The following GPC5 variants were observed in gnomAD, a reference collection of about 807,000 sequenced individuals.
GPC5 encodes the protein glypican 5.
A neutral mutation model predicts 53.9 loss-of-function variants in GPC5; 47 were observed. That is an observed-to-expected ratio of 0.87 (90% CI 0.69 to 1.11). The LOEUF is 1.11. Ranked by LOEUF, GPC5 falls within the 50% of genes most tolerant of loss-of-function variation. The probability of loss-of-function intolerance (pLI) is 0.00; values close to 1 mark genes in which losing one functional copy is unlikely to be tolerated. For synonymous variants in GPC5, 286 were observed against 263.3 expected, an observed-to-expected ratio of 1.09 and a Z score of -0.84; for missense variants, 748 against 713.1, an observed-to-expected ratio of 1.05 and a Z score of -0.56.
intron 7 of GPC5, among the ~76,000 whole-genome samples, chr13:92,270,111 A>G (rs1035712818): frequency 6.6e-6 from 1 of 152,134 alleles, no homozygotes; most frequent in East Asian, 1.9e-4. Flanking sequence ...TATTACAGAA[A>G]TAGGAACATA....
intron 6 of GPC5, among the ~76,000 whole-genome samples, chr13:92,000,591 T>C (rs985064733): frequency 6.6e-6 from 1 of 152,156 alleles, no homozygotes; most frequent in Non-Finnish European, 1.5e-5. Flanking sequence ...ATTTTCCCAA[T>C]AGAATGTTCA....
At chr13:92,553,491 A>G (rs1194901290) in intron 7 of GPC5, among the ~76,000 whole-genome samples, 1 of 151,994 alleles carries the variant, frequency 6.6e-6, no homozygotes, top group Admixed American at 6.6e-5. Flanking sequence ...ACAAATCTAT[A>G]CAAAATGTAA....
At chr13:92,354,433 A>G (rs2043505526) in intron 7 of GPC5, among the ~76,000 whole-genome samples, 1 of 152,196 alleles carries the variant, frequency 6.6e-6, no homozygotes, top group African/African-American at 2.4e-5. Flanking sequence ...GATAATTTTG[A>G]CTAATCAACA....
At chr13:91,986,788 T>G (rs1364686180) in intron 6 of GPC5, among the ~76,000 whole-genome samples, 3 of 152,212 alleles carry the variant, frequency 2.0e-5, no homozygotes, top group African/African-American at 7.2e-5. Flanking sequence ...AAACATAGAG[T>G]AATCAATTGA....
intron 6 of GPC5, among the ~76,000 whole-genome samples, chr13:91,988,297 C>T (rs1490737882): frequency 6.6e-6 from 1 of 151,940 alleles, no homozygotes; most frequent in Non-Finnish European, 1.5e-5. Context: ...TATGAGAAAG[C>T]CAGAAAGTCA....
At chr13:92,218,307 T>C (rs1447034806) in intron 7 of GPC5, among the ~76,000 whole-genome samples, 1 of 152,162 alleles carries the variant, frequency 6.6e-6, no homozygotes, top group Admixed American at 6.5e-5. Flanking sequence ...ATGAACTTAG[T>C]GGAAGTAGAA....
chr13:91,806,249 T>C lies in GPC5; in HGVS notation c.1280+49829T>C, dbSNP rs144986081. On this transcript the variant is annotated intron_variant, in intron 5 of 7. Transcript: ENST00000377067. ...GTGGGTTTCACTGTATTGCCCAGGC[T>C]GGTCTTGTACTCGTGAGCTAGACAA... 2.3e-3 allele frequency among the ~76,000 whole-genome samples: 350 copies of C among 151,958 alleles called. 1 individual carries two copies. The highest frequency in any genetic ancestry group is 8.2e-3 in the African/African-American group (340 of 41,450).
Position 92,225,253 on chromosome 13 carries a change from A to G in GPC5, c.1561+80264A>G, listed in dbSNP as rs145750218. On this transcript the variant is annotated intron_variant, in intron 7 of 7. Transcript: ENST00000377067. ...AATTTATGGCATTAATCGACCTTAT[A>G]TTATAGTTGTGTATGCACATCACCT... Among the ~76,000 whole-genome samples, 626 of 152,316 alleles carry G rather than the reference A, an allele frequency of 4.1e-3. 8 individuals carry two copies. Among genetic ancestry groups the G allele is most frequent in the African/African-American group, 0.015 (606 of 41,568 alleles).
Position 92,166,551 on chromosome 13 carries a change from G to GCAA in GPC5, c.1561+21562_1561+21563insCAA, listed in dbSNP as rs1566465402. Among the ~76,000 whole-genome samples the GCAA allele has an allele frequency of 1.6e-3, 244 of 152,152 alleles. 1 individual carries two copies. Among genetic ancestry groups the GCAA allele is most frequent in the African/African-American group, 5.4e-3 (225 of 41,498 alleles). ...GGAGAAACTTCCATTGTCAAAGGTA[G>GCAA]TTTCATTAGCCCTAATCTGCTGAAT... On this transcript the variant is annotated intron_variant, in intron 7 of 7. Transcript: ENST00000377067.
chr13:92,061,051 G>T (rs1304313665), intron 6 of GPC5, among the ~76,000 whole-genome samples: 1 of 151,642 alleles, frequency 6.6e-6, no homozygotes, highest in African/African-American at 2.4e-5. Context: ...TTTGGATTTG[G>T]AGTATGGTGG....
chr13:92,766,390 T>C (rs1282077493), intron 7 of GPC5, among the ~76,000 whole-genome samples: 8 of 152,074 alleles, frequency 5.3e-5, no homozygotes, highest in Admixed American at 5.2e-4. Context: ...TCAGAACTGA[T>C]TTTTTCAAAA....
chr13:92,293,760 T>G (rs1434284907), intron 7 of GPC5, among the ~76,000 whole-genome samples: 2 of 152,160 alleles, frequency 1.3e-5, no homozygotes, highest in Non-Finnish European at 1.5e-5. Flanking sequence ...GGCATCCTTG[T>G]CTTGTTCCAG....
intron 7 of GPC5, among the ~76,000 whole-genome samples, chr13:92,854,495 A>G (rs1485135218): frequency 1.3e-5 from 2 of 151,724 alleles, no homozygotes; most frequent in Non-Finnish European, 2.9e-5. Flanking sequence ...AGATAAAAAT[A>G]AAAATATCAG....
At chr13:91,436,911 T>C (rs1263181087) in intron 1 of GPC5, among the ~76,000 whole-genome samples, 1 of 152,242 alleles carries the variant, frequency 6.6e-6, no homozygotes, top group Non-Finnish European at 1.5e-5. Context: ...TTAGCTCTTC[T>C]TGTTGAATTG....
chr13:92,525,242 T>A (rs1881226821), intron 7 of GPC5, among the ~76,000 whole-genome samples: 1 of 151,178 alleles, frequency 6.6e-6, no homozygotes, highest in South Asian at 2.1e-4. Flanking sequence ...ATTGCTACCA[T>A]TTGTTTAATG....
chr13:91,911,610 T>C (rs2039611431), intron 6 of GPC5, among the ~76,000 whole-genome samples: 1 of 152,124 alleles, frequency 6.6e-6, no homozygotes, highest in Non-Finnish European at 1.5e-5. Flanking sequence ...AGAAAGCTGA[T>C]AAAATTTATG....
chr13:92,330,004 C>CT (rs5805738), intron 7 of GPC5, among the ~76,000 whole-genome samples: 61,371 of 151,682 alleles, frequency 0.4, 12,524 homozygotes, highest in Middle Eastern at 0.51. Flanking sequence ...ACAAACAAAA[C>CT]TTTTTTTTTA....
chr13:92,109,259 G>T (rs538089508), intron 6 of GPC5, among the ~76,000 whole-genome samples: 12 of 151,782 alleles, frequency 7.9e-5, no homozygotes, highest in Admixed American at 2.6e-4. Context: ...TGCAGATGGG[G>T]TTTTGCCATG....
At chr13:91,606,934 G>GT (rs1263620203) in intron 2 of GPC5, among the ~76,000 whole-genome samples, 11 of 150,846 alleles carry the variant, frequency 7.3e-5, no homozygotes, top group Admixed American at 4.0e-4. Flanking sequence ...TTTTTGAAGG[G>GT]TTTTTTGTGT....
Sources: allele counts gnomAD v4.1 joint callset (sites outside exome capture counted in the v4.1 genomes callset), GRCh38; gene constraint gnomAD v4.1.1; transcripts MANE v1.5; gene names NCBI Gene and HGNC (gene_info 2026-07-23, HGNC 2026-07-21).